ZNF91: variants seen among roughly 807,000 people sequenced by gnomAD.
ZNF91 encodes the protein zinc finger protein 91 (HPF7, HTF10).
Under a neutral mutation model 12.6 loss-of-function variants are expected in ZNF91, and 7 were observed. The observed-to-expected ratio is 0.55, with a 90% CI of 0.31 to 1.04. The LOEUF (loss-of-function observed/expected upper bound fraction) is 1.04. ZNF91 is among the 50% of genes least tolerant of loss of function. ZNF91 has a pLI of 0.05. For missense variants in ZNF91, 1,217 were observed against 1,385.4 expected (o/e 0.88, Z 1.93); for synonymous variants, 453 against 462.6 (o/e 0.98, Z 0.27).
downstream of ZNF91, among the ~76,000 whole-genome samples, chr19:23,353,729 T>A (rs556269186): frequency 1.3e-5 from 2 of 150,778 alleles, no homozygotes; most frequent in East Asian, 3.9e-4. Context: ...AGAGAGAAAA[T>A]CCAAATAACC....
At chr19:23,373,346 T>TTTTATATATATATA (rs1969359156) in intron 3 of ZNF91, among the ~76,000 whole-genome samples, 2 of 85,802 alleles carry the variant, frequency 2.3e-5, no homozygotes, top group African/African-American at 7.8e-5. Context: ...TCATGTAATC[T>TTTTATATATATATA]TATATATATA....
At chr19:23,312,360 T>C (rs1391523589), upstream of ZNF91, among the ~76,000 whole-genome samples, 1 of 152,212 alleles carries the variant, frequency 6.6e-6, no homozygotes, top group Non-Finnish European at 1.5e-5. Flanking sequence ...ACTATCTCTC[T>C]TAGCTGGGCT....
chr19:23,340,308 T>C (rs1451156791), intron 3 of ZNF91, among the ~76,000 whole-genome samples: 2 of 151,958 alleles, frequency 1.3e-5, no homozygotes, highest in Admixed American at 6.6e-5. Flanking sequence ...ACAAATAGAA[T>C]AGAAATCTAA....
intron 1 of ZNF91, among the ~76,000 whole-genome samples, chr19:23,389,054 C>T (rs1250087422): frequency 1.3e-5 from 2 of 152,040 alleles, no homozygotes; most frequent in Non-Finnish European, 2.9e-5. Flanking sequence ...TGGTGCTATA[C>T]TTAGTACCTT....
rs771450422 is a variant in ZNF91, at chr19:23,360,193, T to C, written c.2786A>G (p.Lys929Arg). ...GGGTTTCTCTCCAGTGTGCATCCTC[T>C]TATGTGTAGTAAGGTGTGAAGGCTG... ...FSQPSHLTTH[K>R]RMHTGEKPYK... Residue 929 changes from lysine (K) to arginine (R), a missense_variant, in exon 4 of 4, where the codon AAG (lysine) becomes AGG (arginine). Lys to Arg is a conservative substitution (Grantham distance 26). Transcript: ENST00000300619. 1.2e-5 allele frequency: 19 copies of C among 1,613,578 alleles called. No homozygotes were observed. The Admixed American group carries it at 2.3e-4, about 20-fold the overall frequency.
intron 1 of ZNF91, among the ~76,000 whole-genome samples, chr19:23,322,775 C>T (rs1967729420): frequency 7.0e-6 from 1 of 142,720 alleles, no homozygotes; most frequent in Admixed American, 7.0e-5. Context: ...TTTCTTTCTC[C>T]CCTCTTCTTC....
chr19:23,360,601 G>A lies in ZNF91; in HGVS notation c.2378C>T (p.Thr793Ile). 5 of 1,613,990 alleles carry A rather than the reference G, an allele frequency of 3.1e-6. No homozygotes were observed. The highest frequency in any genetic ancestry group is 4.2e-6 in the Non-Finnish European group (5 of 1,179,958). ...STLTRHKRIH[T>I]GEKPYKCEEC... Reference sequence around the variant, plus strand: ...TTCACATTTGTAGGGCTTCTCTCCAGTGTGTATCCTCTTATGTCTAGTTAG... The same window carrying A: ...TTCACATTTGTAGGGCTTCTCTCCAATGTGTATCCTCTTATGTCTAGTTAG... The change falls in exon 4 of 4, where the codon ACT becomes ATT. Residue 793 changes from threonine to isoleucine, a missense_variant. Transcript: ENST00000300619.
chr19:23,307,660 T>C (rs896744411), intron 2 of ZNF91: 40 of 152,144 alleles, frequency 2.6e-4, no homozygotes, highest in African/African-American at 9.7e-4. Flanking sequence ...GCTCAGCTTC[T>C]AGATTATGTG....
intron 3 of ZNF91, among the ~76,000 whole-genome samples, chr19:23,372,377 G>A (rs963590898): frequency 2.0e-5 from 3 of 152,050 alleles, no homozygotes; most frequent in South Asian, 2.1e-4. Context: ...AACTGCTTCC[G>A]GTCAAAATAT....
At chr19:23,327,362 A>T (rs1445643860) in intron 1 of ZNF91, 2 of 152,246 alleles carry the variant, frequency 1.3e-5, no homozygotes, top group East Asian at 3.8e-4. Flanking sequence ...TAAAAGAGGT[A>T]CATGTATCTT....
intron 1 of ZNF91, among the ~76,000 whole-genome samples, chr19:23,382,049 CAAAA>C (rs60814223): frequency 2.5e-5 from 2 of 79,388 alleles, no homozygotes; most frequent in Non-Finnish European, 2.7e-5. Flanking sequence ...AATCCTGAGA[CAAAA>C]AAAAAAAAAA....
At chr19:23,306,642 C>A (rs558643959) in intron 3 of ZNF91, among the ~76,000 whole-genome samples, 8 of 152,296 alleles carry the variant, frequency 5.3e-5, no homozygotes, top group African/African-American at 1.9e-4. Flanking sequence ...AACTCTTGTG[C>A]CCTGGCCCTG....
At chr19:23,389,312 C>T (rs1194392518) in intron 1 of ZNF91, among the ~76,000 whole-genome samples, 6 of 151,318 alleles carry the variant, frequency 4.0e-5, no homozygotes, top group African/African-American at 1.5e-4. Flanking sequence ...GAACCCCAGG[C>T]TGGTGGACAA....
At chr19:23,386,108 A>C (rs2885847) in intron 1 of ZNF91, among the ~76,000 whole-genome samples, 16,931 of 152,116 alleles carry the variant, frequency 0.11, 1,480 homozygotes, top group East Asian at 0.37. Context: ...ACAGCTAACC[A>C]GGAAGGTGAA....
rs139015019 is a variant in ZNF91 at position 23,362,723 on chromosome 19, T to C, written c.256A>G (p.Ile86Val). 2.3e-3 allele frequency: 3,298 copies of C among 1,447,294 alleles called. 14 individuals are homozygous for C. Among genetic ancestry groups the C allele is most frequent in the Middle Eastern group, 7.1e-3 (38 of 5,366 alleles). 89.7% of individuals were successfully genotyped at this position (1,447,294 alleles called of 1,614,324 possible). Residue 86 changes from isoleucine to valine, a missense_variant and splice_region_variant, in exon 4 of 4, where the codon ATA becomes GTA. Coordinates refer to ENST00000300619, the MANE Select transcript of ZNF91 (RefSeq NM_003430.4). ...QHEMVDEPTGICPHFPQDFWP... is the reference protein window; with the variant it reads ...QHEMVDEPTGVCPHFPQDFWP... ...AAGTCTTGAGGAAAATGAGGACATATACCTGAAAAAAAAAAACTAAAAATA... is the reference window on the plus strand; with the variant it reads ...AAGTCTTGAGGAAAATGAGGACATACACCTGAAAAAAAAAAACTAAAAATA...
intron 1 of ZNF91, chr19:23,323,915 TC>T (rs1309721995): frequency 3.6e-5 from 4 of 110,924 alleles, no homozygotes; most frequent in African/African-American, 1.6e-4. Flanking sequence ...TCCACTCCTT[TC>T]TTTTCTCCTC....
chr19:23,387,985 C>T (rs1969932976), intron 1 of ZNF91, among the ~76,000 whole-genome samples: 1 of 148,126 alleles, frequency 6.8e-6, no homozygotes, highest in Non-Finnish European at 1.5e-5. Flanking sequence ...GTGGCTCATG[C>T]CTGTAATCCC....
chr19:23,330,985 T>A (rs932228670), intron 1 of ZNF91, among the ~76,000 whole-genome samples: 47 of 152,238 alleles, frequency 3.1e-4, no homozygotes, highest in African/African-American at 1.1e-3. Context: ...CAATTTGTGG[T>A]GACAAGTATA....
chr19:23,393,104 A>AT (rs1163035042), intron 1 of ZNF91, among the ~76,000 whole-genome samples: 4 of 150,758 alleles, frequency 2.7e-5, no homozygotes, highest in Non-Finnish European at 5.9e-5. Context: ...TTTTCTAGAA[A>AT]TTTTTTTACT....
Sources: gnomAD v4.1 joint callset for allele counts (sites outside exome capture counted in the v4.1 genomes callset) on GRCh38, gnomAD v4.1.1 for gene constraint, MANE v1.5 for transcripts, NCBI Gene and HGNC (gene_info 2026-07-23, HGNC 2026-07-21) for gene names.